CDK17: variants seen among roughly 807,000 people sequenced by gnomAD.
CDK17 encodes cyclin dependent kinase 17.
Under a neutral mutation model 77.6 loss-of-function variants are expected in CDK17, and 24 were observed. The ratio of observed to expected loss-of-function variants is 0.31; its 90% CI spans 0.22 to 0.44. The LOEUF is 0.44. Ranked by LOEUF, CDK17 falls within the 20% of genes least tolerant of loss-of-function variation. CDK17 has a pLI of 1.00. For missense variants in CDK17, 429 were observed against 622.5 expected (o/e 0.69, Z 3.31); for synonymous variants, 203 against 210.4 (o/e 0.96, Z 0.30).
intron 10 of CDK17, among the ~76,000 whole-genome samples, chr12:96,292,603 T>G (rs1952340776): frequency 6.6e-6 from 1 of 151,848 alleles, no homozygotes; most frequent in Non-Finnish European, 1.5e-5. Flanking sequence ...AGACCCTGTC[T>G]CAAAACAAAC....
At chr12:96,397,063 T>C (rs1249867839) in intron 1 of CDK17, among the ~76,000 whole-genome samples, 1 of 152,096 alleles carries the variant, frequency 6.6e-6, no homozygotes, top group East Asian at 1.9e-4. Context: ...ATAAAATAGT[T>C]GCATTGTTTT....
intron 1 of CDK17, 121 bp from the exon 2 acceptor site, chr12:96,334,986 C>G (rs1462698963): frequency 1.5e-6 from 1 of 685,392 alleles, no homozygotes; most frequent in African/African-American, 1.8e-5. Context: ...CTCACTTCTG[C>G]CAAACATCAC....
intron 1 of CDK17, among the ~76,000 whole-genome samples, chr12:96,383,419 C>T (rs1174444600): frequency 1.0e-5 from 1 of 95,776 alleles, no homozygotes; most frequent in East Asian, 4.4e-4. Context: ...AAAAAAAAAA[C>T]TCTTCTAAGA....
intron 7 of CDK17, 32 bp downstream of exon 7, chr12:96,298,837 T>A (rs751399015): frequency 8.5e-7 from 1 of 1,179,674 alleles, no homozygotes; most frequent in Non-Finnish European, 1.2e-6. Context: ...TCCACCACTT[T>A]GATTTTAAAA....
chr12:96,363,288 T>C (rs1034005532), intron 1 of CDK17, among the ~76,000 whole-genome samples: 7 of 151,566 alleles, frequency 4.6e-5, no homozygotes, highest in Admixed American at 1.3e-4. Flanking sequence ...CCGTCTCTAC[T>C]AAAAATACAA....
At chr12:96,365,316 T>C (rs1197815796) in intron 1 of CDK17, among the ~76,000 whole-genome samples, 1 of 152,190 alleles carries the variant, frequency 6.6e-6, no homozygotes, top group Admixed American at 6.5e-5. Context: ...ATCATTTTAT[T>C]TGACTCTTAA....
At chr12:96,316,367 C>G (rs1393779411) in intron 3 of CDK17, among the ~76,000 whole-genome samples, 2 of 150,552 alleles carry the variant, frequency 1.3e-5, no homozygotes, top group Admixed American at 6.6e-5. Context: ...AAGGCGGCAG[C>G]GAGGCTGGGG....
At chr12:96,366,946 A>T (rs961167557) in intron 1 of CDK17, among the ~76,000 whole-genome samples, 2 of 152,120 alleles carry the variant, frequency 1.3e-5, no homozygotes, top group African/African-American at 4.8e-5. Context: ...ATTTCATGAC[A>T]TTTCTAACTA....
At chr12:96,301,908 C>T (rs1324388124) in intron 5 of CDK17, among the ~76,000 whole-genome samples, 1 of 152,026 alleles carries the variant, frequency 6.6e-6, no homozygotes, top group Admixed American at 6.6e-5. Flanking sequence ...CTTTTTGTTA[C>T]AATGATATGT....
At position 96,325,934 on chromosome 12, in the gene CDK17, G is replaced by C. The variant is rs554055605; in HGVS notation, c.119-1822C>G. ...AGCTACTCAGGAGGCTAGAGTGGGA[G>C]GATCACTTGTGCCCAGGAGTTTGCG... On this transcript the variant is annotated intron_variant, in intron 2 of 16. Transcript: ENST00000261211. Among the ~76,000 whole-genome samples the C allele has an allele frequency of 2.6e-5, 4 of 152,252 alleles. No individual in the cohort carries two copies. In the South Asian group the frequency reaches 8.3e-4, roughly 32 times the overall value.
At chr12:96,374,470 G>A (rs966759250) in intron 1 of CDK17, among the ~76,000 whole-genome samples, 1 of 152,152 alleles carries the variant, frequency 6.6e-6, no homozygotes, top group African/African-American at 2.4e-5. Flanking sequence ...TTGCCTCAAA[G>A]AAATTATTTG....
chr12:96,304,635 ATG>A (rs1453329251), intron 5 of CDK17, among the ~76,000 whole-genome samples: 1 of 152,218 alleles, frequency 6.6e-6, no homozygotes, highest in Non-Finnish European at 1.5e-5. Context: ...AACGAAAGAA[ATG>A]TGTTTTATCC....
chr12:96,296,090 ATTC>A (rs1952401296), intron 9 of CDK17, among the ~76,000 whole-genome samples: 1 of 152,230 alleles, frequency 6.6e-6, no homozygotes, highest in South Asian at 2.1e-4. Flanking sequence ...ATTTAAATGA[ATTC>A]TTGTTACACT....
At chr12:96,367,854 T>TAA (rs11434289) in intron 1 of CDK17, among the ~76,000 whole-genome samples, 115 of 137,202 alleles carry the variant, frequency 8.4e-4, no homozygotes, top group East Asian at 4.8e-3. Flanking sequence ...CATCTCTACT[T>TAA]AAAAAAAAAA....
rs577315083 is a variant in CDK17 at position 96,338,690 on chromosome 12, C to G, written c.-29-3825G>C. Among the ~76,000 whole-genome samples the G allele has an allele frequency of 2.0e-5, 3 of 152,066 alleles. No homozygotes were observed. The South Asian group carries it at 6.3e-4, about 32-fold the overall frequency. ...ACAGGCATGAGACACTGCGCTTGGC[C>G]CTCAACATGTTATTAATATAATAGT... On this transcript the variant is annotated intron_variant, in intron 1 of 16. Coordinates refer to ENST00000261211, the MANE Select transcript of CDK17 (RefSeq NM_002595.5).
At chr12:96,369,900 G>C (rs1026525643) in intron 1 of CDK17, among the ~76,000 whole-genome samples, 1 of 152,204 alleles carries the variant, frequency 6.6e-6, no homozygotes, top group African/African-American at 2.4e-5. Context: ...CCAATATGGT[G>C]AAACTCCTTA....
chr12:96,340,194 G>C (rs1199614030), intron 1 of CDK17, among the ~76,000 whole-genome samples: 1 of 151,916 alleles, frequency 6.6e-6, no homozygotes, highest in African/African-American at 2.4e-5. Flanking sequence ...TTCATATAGT[G>C]CATTTGAACA....
intron 1 of CDK17, among the ~76,000 whole-genome samples, chr12:96,371,433 A>T (rs983852144): frequency 2.6e-5 from 4 of 152,202 alleles, no homozygotes; most frequent in Admixed American, 1.3e-4. Context: ...AAGGGGCATC[A>T]TTTTAATAGG....
chr12:96,368,550 G>A (rs1953628672), intron 1 of CDK17, among the ~76,000 whole-genome samples: 1 of 152,136 alleles, frequency 6.6e-6, no homozygotes, highest in African/African-American at 2.4e-5. Context: ...TAAAATTTGA[G>A]CACAGGCCAA....
Sources: gnomAD v4.1 joint callset for allele counts (sites outside exome capture counted in the v4.1 genomes callset) on GRCh38, gnomAD v4.1.1 for gene constraint, MANE v1.5 for transcripts, NCBI Gene and HGNC (gene_info 2026-07-23, HGNC 2026-07-21) for gene names.